Variants in DGKB observed in about 807,000 individuals in gnomAD.
DGKB encodes 90 kDa diacylglycerol kinase.
Under a neutral mutation model 114.3 loss-of-function variants are expected in DGKB, and 67 were observed. That is an observed-to-expected ratio of 0.59 (90% CI 0.48 to 0.72). The LOEUF is 0.72. Among genes scored for constraint, DGKB ranks in the 30% least tolerant of loss-of-function variants. The pLI is 0.00. For synonymous variants in DGKB, 398 were observed against 323.1 expected, an observed-to-expected ratio of 1.23 and a Z score of -2.49; for missense variants, 907 against 975.2, an observed-to-expected ratio of 0.93 and a Z score of 0.93.
At chr7:14,465,130 A>T (rs1354113409) in intron 21 of DGKB, among the ~76,000 whole-genome samples, 1 of 151,912 alleles carries the variant, frequency 6.6e-6, no homozygotes, top group Non-Finnish European at 1.5e-5. Flanking sequence ...AGCATATCGT[A>T]CTCCATTTTG....
intron 20 of DGKB, among the ~76,000 whole-genome samples, chr7:14,486,212 C>T (rs1436137716): frequency 6.6e-6 from 1 of 152,148 alleles, no homozygotes; most frequent in Non-Finnish European, 1.5e-5. Context: ...TCAGGAAGGG[C>T]CCCTTGGGAA....
intron 21 of DGKB, among the ~76,000 whole-genome samples, chr7:14,363,932 AT>A (rs1816194745): frequency 6.6e-6 from 1 of 152,094 alleles, no homozygotes; most frequent in African/African-American, 2.4e-5. Flanking sequence ...CTGTCTTTCA[AT>A]TGAACAATTA....
At chr7:14,949,958 G>T (rs993120688) in intron 1 of DGKB, among the ~76,000 whole-genome samples, 2 of 151,848 alleles carry the variant, frequency 1.3e-5, no homozygotes, top group African/African-American at 2.4e-5. Flanking sequence ...GTTGTGGGGT[G>T]GGGGGAGTGG....
chr7:14,753,225 C>A (rs781773362), intron 4 of DGKB, among the ~76,000 whole-genome samples: 4 of 152,118 alleles, frequency 2.6e-5, no homozygotes, highest in African/African-American at 4.8e-5. Flanking sequence ...GACAATATTA[C>A]GGTTTTAGAT....
In DGKB at chr7:14,356,097, TG is replaced by T. The variant is rs199611287; in HGVS notation, c.1836-10707del. Among the ~76,000 whole-genome samples, 1,266 of 152,288 alleles carry T rather than the reference TG, an allele frequency of 8.3e-3. 18 individuals are homozygous for T. The highest frequency in any genetic ancestry group is 0.029 in the African/African-American group (1,204 of 41,568). Reference sequence around the variant, plus strand: ...TTTATAGTATTCTCTGATGGTAGTTTGTATTTCTGTGGGATCAGTGGTGATA... The same window carrying T: ...TTTATAGTATTCTCTGATGGTAGTTTTATTTCTGTGGGATCAGTGGTGATA... On this transcript the variant is annotated intron_variant, in intron 21 of 25. Transcript: ENST00000402815.
At chr7:14,659,227 G>A (rs557040555) in intron 13 of DGKB, among the ~76,000 whole-genome samples, 1 of 151,964 alleles carries the variant, frequency 6.6e-6, no homozygotes, top group Non-Finnish European at 1.5e-5. Context: ...AAGGGCTATG[G>A]TGCTGAACAT....
At chr7:14,574,474 T>A in intron 19 of DGKB, 102 bp from the exon 20 acceptor site, 1 of 948,360 alleles carries the variant, frequency 1.1e-6, no homozygotes, top group Non-Finnish European at 1.6e-6. Context: ...ATTCTAAAGG[T>A]AAATAATGAT....
At chr7:14,876,519 T>G (rs1351745520) in intron 1 of DGKB, among the ~76,000 whole-genome samples, 2 of 152,238 alleles carry the variant, frequency 1.3e-5, no homozygotes, top group Non-Finnish European at 2.9e-5. Flanking sequence ...CAGCATCAAC[T>G]TGGTTACTGA....
chr7:14,771,525 A>T (rs560751685), intron 2 of DGKB, among the ~76,000 whole-genome samples: 1 of 152,210 alleles, frequency 6.6e-6, no homozygotes, highest in East Asian at 1.9e-4. Flanking sequence ...GATAGCAATG[A>T]GGACAAAGCT....
In DGKB at chr7:14,300,027, A is replaced by G. The variant is rs139248686; in HGVS notation, c.2122+38488T>C. ...TGGCCACTATATTTGTATAGCAACT[A>G]CTTCCAGACATACACGGAAGAATAT... On this transcript the variant is annotated intron_variant, in intron 23 of 25. Coordinates refer to ENST00000402815, the MANE Select transcript of DGKB (RefSeq NM_001350709.2). Among the ~76,000 whole-genome samples the G allele has an allele frequency of 6.0e-3, 917 of 152,226 alleles. 12 individuals carry two copies. Among genetic ancestry groups the G allele is most frequent in the African/African-American group, 0.021 (880 of 41,552 alleles).
intron 20 of DGKB, among the ~76,000 whole-genome samples, chr7:14,552,823 T>C (rs1403879224): frequency 1.3e-5 from 2 of 152,156 alleles, no homozygotes; most frequent in African/African-American, 2.4e-5. Context: ...TCTACCAACA[T>C]GTTAACCAGA....
intron 20 of DGKB, among the ~76,000 whole-genome samples, chr7:14,559,027 A>T (rs1007169962): frequency 1.3e-5 from 2 of 152,192 alleles, no homozygotes; most frequent in Non-Finnish European, 2.9e-5. Flanking sequence ...AAGCCTCCAA[A>T]TATTCCCCTG....
At chr7:14,779,415 T>C (rs974202300) in intron 2 of DGKB, among the ~76,000 whole-genome samples, 4 of 152,124 alleles carry the variant, frequency 2.6e-5, no homozygotes, top group African/African-American at 7.2e-5. Flanking sequence ...CACATGCCTA[T>C]AGTCCCAACT....
At chr7:14,354,573 T>C (rs187910139) in intron 21 of DGKB, among the ~76,000 whole-genome samples, 72 of 152,306 alleles carry the variant, frequency 4.7e-4, no homozygotes, top group African/African-American at 1.7e-3. Context: ...AATTATTTAA[T>C]ATAAATTGAG....
intron 21 of DGKB, among the ~76,000 whole-genome samples, chr7:14,359,128 C>T (rs10266668): frequency 2.0e-3 from 305 of 151,696 alleles, no homozygotes; most frequent in African/African-American, 6.9e-3. Flanking sequence ...GTATATAGAA[C>T]AACGGAACAG....
chr7:14,967,306 G>A lies in DGKB; in HGVS notation c.-188+7390C>T, dbSNP rs906657514. Reference sequence around the variant, plus strand: ...CTAAAGAACAAGTGTTTCCTGACTTGATTTATTTTTATTTTTATTTTTATT... The same window carrying A: ...CTAAAGAACAAGTGTTTCCTGACTTAATTTATTTTTATTTTTATTTTTATT... On this transcript the variant is annotated intron_variant, in intron 1 of 4. Transcript: ENST00000437998. Among the ~76,000 whole-genome samples, 3 of 132,052 alleles carry A rather than the reference G, an allele frequency of 2.3e-5. No individual in the cohort carries two copies. The South Asian group carries it at 8.4e-4, about 37-fold the overall frequency. The allele number at this position is 132,052 out of a possible 152,430, so 86.6% of individuals were successfully genotyped here. A position where few individuals can be genotyped will look rare whatever the true frequency, so the allele number is the denominator to read the frequency against.
At position 14,265,165 on chromosome 7, in the gene DGKB, A is replaced by G. The variant is rs1051669427; in HGVS notation, c.2122+73350T>C. On this transcript the variant is annotated intron_variant, in intron 23 of 25. Coordinates refer to ENST00000402815, the MANE Select transcript of DGKB (RefSeq NM_001350709.2). ...ATTTTTTTTTTTTTCACCTAAAAACAAGTCTAAAACATTCAGAGACACTCA... is the reference window on the plus strand; with the variant it reads ...ATTTTTTTTTTTTTCACCTAAAAACGAGTCTAAAACATTCAGAGACACTCA... 3.5e-4 allele frequency among the ~76,000 whole-genome samples: 53 copies of G among 151,440 alleles called. 2 individuals are homozygous for G. The highest frequency in any genetic ancestry group is 3.4e-3 in the Middle Eastern group (1 of 294).
intron 20 of DGKB, among the ~76,000 whole-genome samples, chr7:14,519,196 T>C (rs949800229): frequency 6.6e-6 from 1 of 152,136 alleles, no homozygotes; most frequent in Non-Finnish European, 1.5e-5. Flanking sequence ...AAATTCCATT[T>C]TAGAGCTAAA....
chr7:14,867,893 A>G (rs987359991), intron 1 of DGKB, among the ~76,000 whole-genome samples: 2 of 152,162 alleles, frequency 1.3e-5, no homozygotes, highest in Non-Finnish European at 2.9e-5. Context: ...CCAGTCAAAC[A>G]TCATTAGCAC....
Sources: gnomAD v4.1 joint callset for allele counts (sites outside exome capture counted in the v4.1 genomes callset) on GRCh38, gnomAD v4.1.1 for gene constraint, MANE v1.5 for transcripts, NCBI Gene and HGNC (gene_info 2026-07-23, HGNC 2026-07-21) for gene names.